The following ZSCAN25 variants were observed in gnomAD, a reference collection of about 807,000 sequenced individuals.
ZSCAN25 encodes the protein zinc finger and SCAN domain containing 25, also known as zinc finger and SCAN domain-containing protein 25.
Under a neutral mutation model 38.7 loss-of-function variants are expected in ZSCAN25, and 27 were observed. That is an observed-to-expected ratio of 0.70 (90% confidence interval 0.51 to 0.96). The LOEUF (loss-of-function observed/expected upper bound fraction) is 0.96, where lower values mean the gene tolerates loss of function less well. Among genes scored for constraint, ZSCAN25 ranks in the 40% least tolerant of loss-of-function variants. ZSCAN25 has a pLI of 0.00. For missense variants in ZSCAN25, 637 were observed against 705.9 expected, an observed-to-expected ratio of 0.90 and a Z score of 1.11; for synonymous variants, 273 against 277.7, an observed-to-expected ratio of 0.98 and a Z score of 0.17.
the ZSCAN25 span, among the ~76,000 whole-genome samples, chr7:99,688,615 A>T: frequency 2.0e-5 from 3 of 152,330 alleles, no homozygotes; most frequent in Non-Finnish European, 4.4e-5. Flanking sequence ...CAGATCAACG[A>T]GACCAAAAGT....
the ZSCAN25 span, chr7:99,715,630 A>C: frequency 6.7e-7 from 1 of 1,487,004 alleles, no homozygotes; most frequent in Non-Finnish European, 9.3e-7. Flanking sequence ...GGTCGTACAT[A>C]TCTTCAAATG....
At chr7:99,638,565 C>G in the ZSCAN25 span, 3 of 1,556,456 alleles carry the variant, frequency 1.9e-6, no homozygotes, top group South Asian at 1.1e-5. Context: ...GGATCTTGTC[C>G]TGGCCACCCA....
At chr7:99,709,165 T>C in the ZSCAN25 span, 1 of 1,614,014 alleles carries the variant, frequency 6.2e-7, no homozygotes, top group African/African-American at 1.3e-5. Context: ...TTGCAGACCC[T>C]CTCAAGTCTC....
At chr7:99,636,202 A>G (rs1262009380), downstream of ZSCAN25, among the ~76,000 whole-genome samples, 1 of 152,204 alleles carries the variant, frequency 6.6e-6, no homozygotes, top group African/African-American at 2.4e-5. Flanking sequence ...GCAATCATTT[A>G]AAACACTAAG....
chr7:99,657,599 C>A, the ZSCAN25 span, among the ~76,000 whole-genome samples: 18 of 152,186 alleles, frequency 1.2e-4, no homozygotes, highest in Admixed American at 1.2e-3. Context: ...TCTATTATGT[C>A]CACTTTGTGC....
chr7:99,713,586 G>T, the ZSCAN25 span: 4 of 1,611,608 alleles, frequency 2.5e-6, no homozygotes, highest in South Asian at 4.4e-5. Context: ...CGTGAAGTCA[G>T]AAGTTAATCA....
the ZSCAN25 span, chr7:99,717,540 C>T: frequency 1.3e-4 from 211 of 1,613,578 alleles, no homozygotes; most frequent in South Asian, 1.3e-3. Context: ...TTGAGTTTTC[C>T]GCTGGTGAAT....
the ZSCAN25 span, chr7:99,674,656 G>T: frequency 7.6e-7 from 1 of 1,309,634 alleles, no homozygotes; most frequent in South Asian, 1.3e-5. Flanking sequence ...AATTGGGGCT[G>T]AAAACAGTTG....
the ZSCAN25 span, chr7:99,660,446 A>G: frequency 2.0e-6 from 3 of 1,531,170 alleles, no homozygotes; most frequent in Non-Finnish European, 2.6e-6. Flanking sequence ...GTGAGGAGGC[A>G]TTTTTGCTAA....
the ZSCAN25 span, among the ~76,000 whole-genome samples, chr7:99,688,023 A>G: frequency 2.0e-5 from 3 of 152,222 alleles, no homozygotes; most frequent in Non-Finnish European, 2.9e-5. Context: ...TGAAGGAAGC[A>G]CTAAACATGG....
At chr7:99,681,323 C>G in the ZSCAN25 span, among the ~76,000 whole-genome samples, 5 of 152,156 alleles carry the variant, frequency 3.3e-5, no homozygotes, top group Non-Finnish European at 7.3e-5. Flanking sequence ...ATATACCCAG[C>G]ATGGGGATTT....
intron 7 of ZSCAN25, 189 bp downstream of exon 7, chr7:99,624,369 G>A: frequency 1.5e-6 from 1 of 648,098 alleles, no homozygotes. Context: ...AAATGATGGA[G>A]CAGGAAAACA....
At chr7:99,715,197 G>C in the ZSCAN25 span, among the ~76,000 whole-genome samples, 1 of 152,152 alleles carries the variant, frequency 6.6e-6, no homozygotes, top group African/African-American at 2.4e-5. Context: ...AGGGCAAATA[G>C]AAACTGTTTT....
the ZSCAN25 span, among the ~76,000 whole-genome samples, chr7:99,682,649 T>C: frequency 6.6e-6 from 1 of 152,052 alleles, no homozygotes. Context: ...TTTTTTTTTT[T>C]CTATTTCTTT....
the ZSCAN25 span, among the ~76,000 whole-genome samples, chr7:99,674,041 A>G: frequency 6.6e-6 from 1 of 152,218 alleles, no homozygotes; most frequent in Non-Finnish European, 1.5e-5. Flanking sequence ...ACCCTGACAA[A>G]TAAATCCCAA....
the ZSCAN25 span, among the ~76,000 whole-genome samples, chr7:99,686,134 A>G: frequency 2.6e-5 from 4 of 152,174 alleles, no homozygotes; most frequent in Admixed American, 2.0e-4. Context: ...GGTTCATCTC[A>G]CTAGGGAGTG....
At chr7:99,655,577 C>T in the ZSCAN25 span, among the ~76,000 whole-genome samples, 7 of 152,082 alleles carry the variant, frequency 4.6e-5, no homozygotes, top group African/African-American at 1.7e-4. Context: ...TTTTTGGTTC[C>T]ATATGAACTT....
the ZSCAN25 span, among the ~76,000 whole-genome samples, chr7:99,708,353 G>A: frequency 6.6e-6 from 1 of 152,126 alleles, no homozygotes; most frequent in Non-Finnish European, 1.5e-5. Flanking sequence ...TGGTCATGAG[G>A]AAGGAGAAGA....
At chr7:99,709,541 C>T in the ZSCAN25 span, among the ~76,000 whole-genome samples, 2 of 152,090 alleles carry the variant, frequency 1.3e-5, no homozygotes, top group Admixed American at 1.3e-4. Flanking sequence ...TTTTCTTTCT[C>T]ATGGAAGCAA....
Sources: gnomAD v4.1 joint callset for allele counts (sites outside exome capture counted in the v4.1 genomes callset) on GRCh38, gnomAD v4.1.1 for gene constraint, MANE v1.5 for transcripts, NCBI Gene and HGNC (gene_info 2026-07-23, HGNC 2026-07-21) for gene names.